Variants in SIMC1 observed in about 807,000 individuals in gnomAD.
SIMC1 encodes the protein SUMO interacting motifs containing 1.
A neutral mutation model predicts 82.3 loss-of-function variants in SIMC1; 55 were observed. The observed-to-expected ratio is 0.67, with a 90% CI of 0.54 to 0.84. The LOEUF (loss-of-function observed/expected upper bound fraction) is 0.84. SIMC1 is among the 40% of genes least tolerant of loss of function. SIMC1 has a pLI of 0.00. For missense variants in SIMC1, 915 were observed against 1,107.2 expected, an observed-to-expected ratio of 0.83 and a Z score of 2.46; for synonymous variants, 353 against 426.3, an observed-to-expected ratio of 0.83 and a Z score of 2.12.
rs556219623 is a variant in SIMC1, at chr5:176,258,594, T to C, written c.129+19957T>C. On this transcript the variant is annotated intron_variant, in intron 1 of 9. Transcript: ENST00000429602. ...TACAAAAATTGTTTTTTAAAACTCC[T>C]TTTTTTTTTTGAGATAGAGTCTTGC... Among the ~76,000 whole-genome samples, 4 of 149,710 alleles carry C rather than the reference T, an allele frequency of 2.7e-5. No homozygotes were observed. In the East Asian group the frequency reaches 8.0e-4, roughly 30 times the overall value.
chr5:176,323,000 A>G (rs1210250744), intron 6 of SIMC1, among the ~76,000 whole-genome samples: 3 of 152,152 alleles, frequency 2.0e-5, no homozygotes, highest in Non-Finnish European at 2.9e-5. Flanking sequence ...GGCTGGGGCT[A>G]CCCTTGCACA....
At position 176,324,729 on chromosome 5, in the gene SIMC1, G is replaced by C; in HGVS notation, c.2143G>C (p.Val715Leu). 2 of 1,600,748 alleles carry C rather than the reference G, an allele frequency of 1.2e-6. No individual in the cohort carries two copies. Among genetic ancestry groups the C allele is most frequent in the Non-Finnish European group, 1.7e-6 (2 of 1,173,468 alleles). ...NKIAEMMFGF[V>L]LDIPERSQRE... is the part of the protein sequence containing the mutation. The stretch of plus-strand genomic sequence containing the variant: ...AATTGCCGAGATGATGTTTGGGTTT[G>C]TGCTGGACATTCCTGAGAGGAGCCA... Residue 715 changes from valine (V) to leucine (L), a missense_variant, in exon 7 of 10, where the codon GTG (valine) becomes CTG (leucine). By Grantham distance (32) the Val-to-Leu change is conservative. Coordinates refer to ENST00000429602, the MANE Select transcript of SIMC1 (RefSeq NM_001308195.2).
rs776545672 is a variant in SIMC1 at position 176,324,664 on chromosome 5, C to T, written c.2078C>T (p.Ala693Val). ...VCQLQRMLSI[A>V]VEVDRTPTCS... ...CAGCTTCAGAGGATGCTCTCCATAG[C>T]CGTAGAGGTGGACAGGACCCCCACC... Residue 693 changes from alanine to valine, a missense_variant, in exon 7 of 10, where the codon GCC (alanine) becomes GTC (valine). Physicochemically the swap from Ala to Val is moderately conservative, Grantham distance 64. Around this residue, in one of 2 missense-constraint regions of SIMC1, gnomAD observed 902 missense variants for 1,040.3 expected, o/e 0.87. Transcript: ENST00000429602. The T allele has an allele frequency of 6.2e-7, 1 of 1,610,656 alleles. No homozygotes were observed. The highest frequency in any genetic ancestry group is 8.5e-7 in the Non-Finnish European group (1 of 1,178,496).
chr5:176,252,531 C>A (rs1392031518), intron 1 of SIMC1, among the ~76,000 whole-genome samples: 1 of 150,098 alleles, frequency 6.7e-6, no homozygotes, highest in Non-Finnish European at 1.5e-5. Flanking sequence ...CTTCCCACAT[C>A]TCAGACGATG....
At chr5:176,344,472 C>T (rs1351348637) in intron 9 of SIMC1, among the ~76,000 whole-genome samples, 3 of 60,014 alleles carry the variant, frequency 5.0e-5, no homozygotes, top group African/African-American at 4.2e-4. Flanking sequence ...GGAGTATACA[C>T]ACACACACAC....
At chr5:176,317,283 AC>A (rs1340531128) in intron 5 of SIMC1, among the ~76,000 whole-genome samples, 3 of 152,056 alleles carry the variant, frequency 2.0e-5, no homozygotes, top group African/African-American at 2.4e-5. Flanking sequence ...CTCCATATGA[AC>A]CCTTCTTAAG....
At chr5:176,344,468 TACACACAC>T (rs57991528) in intron 9 of SIMC1, among the ~76,000 whole-genome samples, 72 of 146,642 alleles carry the variant, frequency 4.9e-4, no homozygotes, top group South Asian at 4.2e-3. Context: ...GTCAGGAGTA[TACACACAC>T]ACACACACAC....
At chr5:176,311,287 G>T (rs1006332624) in intron 4 of SIMC1, among the ~76,000 whole-genome samples, 2 of 152,100 alleles carry the variant, frequency 1.3e-5, no homozygotes, top group Non-Finnish European at 1.5e-5. Flanking sequence ...ACCCAGGCTG[G>T]AGTGCAGTGG....
intron 7 of SIMC1, among the ~76,000 whole-genome samples, chr5:176,331,336 C>G (rs1765656409): frequency 6.7e-6 from 1 of 149,204 alleles, no homozygotes; most frequent in South Asian, 2.1e-4. Context: ...CGCCACTGCA[C>G]TCCAGCCTGG....
chr5:176,247,969 TCTGTTTTGGTACCAGTACCATC>T (rs1761505594), intron 1 of SIMC1, among the ~76,000 whole-genome samples: 1 of 152,042 alleles, frequency 6.6e-6, no homozygotes, highest in African/African-American at 2.4e-5. Context: ...GGTCTATATA[TCTGTTTTGGTACCAGTACCATC>T]CTGTTTTGGT....
intron 7 of SIMC1, among the ~76,000 whole-genome samples, chr5:176,332,119 C>G (rs1272779835): frequency 1.3e-5 from 2 of 152,166 alleles, no homozygotes; most frequent in African/African-American, 2.4e-5. Context: ...AATTCCTGCT[C>G]TTTAATATAA....
intron 7 of SIMC1, among the ~76,000 whole-genome samples, chr5:176,327,593 G>A (rs1198437617): frequency 1.3e-5 from 2 of 151,924 alleles, no homozygotes; most frequent in East Asian, 1.9e-4. Context: ...GCTTTTTCTT[G>A]CCATACTGCA....
At chr5:176,245,254 C>T (rs1761398780) in intron 1 of SIMC1, among the ~76,000 whole-genome samples, 2 of 152,150 alleles carry the variant, frequency 1.3e-5, no homozygotes, top group South Asian at 4.1e-4. Context: ...TGTGAAGACA[C>T]AGGGGAAGAA....
intron 1 of SIMC1, among the ~76,000 whole-genome samples, chr5:176,256,925 T>A (rs552480761): frequency 1.3e-3 from 199 of 152,236 alleles, no homozygotes; most frequent in Admixed American, 2.3e-3. Flanking sequence ...TAAATTAATT[T>A]ATTTATTTTT....
rs1297818408 is a variant in SIMC1, at chr5:176,289,978, G to A, written c.454G>A (p.Gly152Ser). The A allele has an allele frequency of 6.2e-7, 1 of 1,613,680 alleles. No individual in the cohort carries two copies. Among genetic ancestry groups the A allele is most frequent in the Non-Finnish European group, 8.5e-7 (1 of 1,179,824 alleles). Residue 152 changes from glycine to serine, a missense_variant, in exon 2 of 10, where the codon GGC (glycine) becomes AGC (serine). Gly to Ser is a moderately conservative substitution (Grantham distance 56). Around this residue, in one of 2 missense-constraint regions of SIMC1, gnomAD observed 902 missense variants for 1,040.3 expected, o/e 0.87. Transcript: ENST00000429602. ...CCCACCCGCTACATCCATCAGTGGA[G>A]GCTCTGTTTATCCAACAGAGCCTAA... is the stretch of plus-strand genomic sequence containing the variant. ...GPPPATSISGGSVYPTEPNCS... is the reference protein window; with the variant it reads ...GPPPATSISGSSVYPTEPNCS...
intron 5 of SIMC1, among the ~76,000 whole-genome samples, chr5:176,321,440 TAA>T (rs953751441): frequency 1.5e-5 from 2 of 137,720 alleles, no homozygotes; most frequent in Non-Finnish European, 3.2e-5. Flanking sequence ...AGACTCTGCC[TAA>T]AAAAAAAAAA....
intron 1 of SIMC1, among the ~76,000 whole-genome samples, chr5:176,254,121 G>C (rs1430473147): frequency 6.6e-6 from 1 of 152,108 alleles, no homozygotes; most frequent in Non-Finnish European, 1.5e-5. Context: ...TGACTGGGTG[G>C]AATTAAAGCA....
At chr5:176,262,770 G>A (rs1382274121) in intron 1 of SIMC1, among the ~76,000 whole-genome samples, 45 of 152,104 alleles carry the variant, frequency 3.0e-4, no homozygotes, top group Non-Finnish European at 8.8e-5. Flanking sequence ...GCACCACTGC[G>A]CCCCAGCCTG....
chr5:176,305,595 C>T (rs1461531534), intron 4 of SIMC1, among the ~76,000 whole-genome samples: 2 of 144,366 alleles, frequency 1.4e-5, no homozygotes, highest in Admixed American at 1.3e-4. Flanking sequence ...GGTCAGCCCT[C>T]CGCCCGGCCA....
Sources: allele counts gnomAD v4.1 joint callset (sites outside exome capture counted in the v4.1 genomes callset), GRCh38; gene constraint gnomAD v4.1.1; regional missense constraint gnomAD v4.1.1; transcripts MANE v1.5; gene names NCBI Gene and HGNC (gene_info 2026-07-23, HGNC 2026-07-21).